RPS6KC1: variants seen among roughly 807,000 people sequenced by gnomAD.
The protein encoded by RPS6KC1 is inactive ribosomal protein S6 kinase delta-1.
Under a neutral mutation model 103.8 loss-of-function variants are expected in RPS6KC1, and 54 were observed. The ratio of observed to expected loss-of-function variants is 0.52; its 90% CI spans 0.42 to 0.65. RPS6KC1 has a LOEUF of 0.65. Among genes scored for constraint, RPS6KC1 ranks in the 30% least tolerant of loss-of-function variants. RPS6KC1 has a pLI of 0.00. For synonymous variants in RPS6KC1, 439 were observed against 438.7 expected (o/e 1.00, Z -0.01); for missense variants, 1,151 against 1,253.8 (o/e 0.92, Z 1.24).
chr1:213,486,044 A>G, the RPS6KC1 span, among the ~76,000 whole-genome samples: 1 of 152,190 alleles, frequency 6.6e-6, no homozygotes, highest in African/African-American at 2.4e-5. Context: ...AGTAATCATC[A>G]GCTTGATAGT....
chr1:213,483,629 G>A, the RPS6KC1 span, among the ~76,000 whole-genome samples: 658 of 152,274 alleles, frequency 4.3e-3, 1 homozygote, highest in African/African-American at 0.015. Flanking sequence ...TCTTGAGTGA[G>A]CTTTGATAGT....
chr1:213,745,531 G>A, the RPS6KC1 span, among the ~76,000 whole-genome samples: 29 of 152,176 alleles, frequency 1.9e-4, no homozygotes, highest in Non-Finnish European at 2.9e-4. Context: ...CAGTGGATTT[G>A]GATTTCAAAC....
At chr1:213,790,291 T>C in the RPS6KC1 span, among the ~76,000 whole-genome samples, 2 of 152,210 alleles carry the variant, frequency 1.3e-5, no homozygotes, top group African/African-American at 4.8e-5. Flanking sequence ...TAATCTATCC[T>C]ATGGTCACTT....
At chr1:213,316,689 G>T in the RPS6KC1 span, among the ~76,000 whole-genome samples, 1 of 149,202 alleles carries the variant, frequency 6.7e-6, no homozygotes, top group South Asian at 2.1e-4. Context: ...AGCAAGGTAG[G>T]TAGGGCATGC....
At chr1:213,740,664 T>C in the RPS6KC1 span, among the ~76,000 whole-genome samples, 1 of 151,368 alleles carries the variant, frequency 6.6e-6, no homozygotes, top group Non-Finnish European at 1.5e-5. Context: ...CAGATATATA[T>C]ACACATATAT....
At chr1:213,285,452 A>G in the RPS6KC1 span, among the ~76,000 whole-genome samples, 2 of 152,204 alleles carry the variant, frequency 1.3e-5, no homozygotes, top group Non-Finnish European at 2.9e-5. Context: ...ATTGTAGACA[A>G]CTGAAATGAG....
At chr1:213,503,370 G>A in the RPS6KC1 span, among the ~76,000 whole-genome samples, 1 of 152,142 alleles carries the variant, frequency 6.6e-6, no homozygotes, top group South Asian at 2.1e-4. Context: ...CTTAGGTCAG[G>A]TATCCACACT....
At chr1:213,851,968 T>A in the RPS6KC1 span, among the ~76,000 whole-genome samples, 1 of 152,176 alleles carries the variant, frequency 6.6e-6, no homozygotes, top group African/African-American at 2.4e-5. Flanking sequence ...GAACTCCTGG[T>A]ATAGCCTCTG....
the RPS6KC1 span, among the ~76,000 whole-genome samples, chr1:213,694,464 C>G: frequency 2.6e-5 from 4 of 152,180 alleles, no homozygotes; most frequent in Admixed American, 6.5e-5. Context: ...ACTACAGTTC[C>G]TGTAAGCCCA....
At chr1:213,693,255 TC>T in the RPS6KC1 span, among the ~76,000 whole-genome samples, 1 of 152,284 alleles carries the variant, frequency 6.6e-6, no homozygotes, top group Admixed American at 6.5e-5. Flanking sequence ...ACCCCCAGCC[TC>T]CTTTCTGACT....
At chr1:213,544,854 G>A in the RPS6KC1 span, among the ~76,000 whole-genome samples, 4 of 152,198 alleles carry the variant, frequency 2.6e-5, no homozygotes, top group Non-Finnish European at 5.9e-5. Context: ...TAGTCTTTCT[G>A]TCTCCAAAGA....
At chr1:213,062,795 C>T (rs970748840) in intron 1 of RPS6KC1, among the ~76,000 whole-genome samples, 5 of 152,070 alleles carry the variant, frequency 3.3e-5, no homozygotes, top group Admixed American at 6.6e-5. Context: ...CCTTGTGATC[C>T]GCCAGCCTCG....
intron 6 of RPS6KC1, among the ~76,000 whole-genome samples, chr1:213,152,624 C>T (rs1192612340): frequency 6.7e-6 from 1 of 149,906 alleles, no homozygotes; most frequent in Non-Finnish European, 1.5e-5. Context: ...AGAGGCGCTC[C>T]CCACATCTCA....
chr1:213,191,189 A>G (rs1423972266), intron 8 of RPS6KC1, among the ~76,000 whole-genome samples: 3 of 152,174 alleles, frequency 2.0e-5, no homozygotes, highest in Admixed American at 6.5e-5. Flanking sequence ...GAGGAATGCC[A>G]TTAGTATTTT....
chr1:213,671,206 A>G, the RPS6KC1 span, among the ~76,000 whole-genome samples: 1 of 152,242 alleles, frequency 6.6e-6, no homozygotes, highest in African/African-American at 2.4e-5. Context: ...AAAACAGGAA[A>G]TTTTGTTATT....
the RPS6KC1 span, among the ~76,000 whole-genome samples, chr1:213,650,018 A>C: frequency 6.6e-6 from 1 of 152,176 alleles, no homozygotes; most frequent in African/African-American, 2.4e-5. Context: ...TGTTTTACAC[A>C]TGAGGAAACT....
chr1:213,754,599 GA>G, the RPS6KC1 span, among the ~76,000 whole-genome samples: 1 of 152,196 alleles, frequency 6.6e-6, no homozygotes. Flanking sequence ...TGCCACGTAA[GA>G]AGGCTATTCC....
chr1:213,591,707 AG>A, the RPS6KC1 span, among the ~76,000 whole-genome samples: 1 of 152,278 alleles, frequency 6.6e-6, no homozygotes, highest in East Asian at 1.9e-4. Flanking sequence ...GAAGTTTATT[AG>A]GGGGGTGCTT....
the RPS6KC1 span, among the ~76,000 whole-genome samples, chr1:213,353,752 G>A: frequency 6.6e-6 from 1 of 152,212 alleles, no homozygotes; most frequent in African/African-American, 2.4e-5. Context: ...ATCTTGTTGG[G>A]AAGATAAGAC....
Sources: allele counts gnomAD v4.1 joint callset (sites outside exome capture counted in the v4.1 genomes callset), GRCh38; gene constraint gnomAD v4.1.1; transcripts MANE v1.5; gene names NCBI Gene and HGNC (gene_info 2026-07-23, HGNC 2026-07-21).